Variants in TGFBI observed in about 807,000 individuals in gnomAD.
TGFBI encodes transforming growth factor beta induced.
Under a neutral mutation model 73.7 loss-of-function variants are expected in TGFBI, and 50 were observed. The ratio of observed to expected loss-of-function variants is 0.68; its 90% confidence interval spans 0.54 to 0.86. The LOEUF (loss-of-function observed/expected upper bound fraction) is 0.86. Ranked by LOEUF, TGFBI falls within the 40% of genes least tolerant of loss-of-function variation. The pLI, the probability that TGFBI is intolerant of heterozygous loss-of-function variation, is 0.00. For missense variants in TGFBI, 839 were observed against 877.0 expected (o/e 0.96, Z 0.55); for synonymous variants, 362 against 360.5 (o/e 1.00, Z -0.05).
intron 14 of TGFBI, 117 bp downstream of exon 14, chr5:136,061,053 A>G: frequency 1.3e-6 from 1 of 765,990 alleles, no homozygotes; most frequent in East Asian, 2.8e-5. Context: ...TGTGATAGTT[A>G]AACTGTGCCT....
Position 136,046,967 on chromosome 5 carries a change from C to A in TGFBI, c.576C>A (p.Thr192=), listed in dbSNP as rs751901379. The A allele has an allele frequency of 1.2e-6, 2 of 1,613,554 alleles. No homozygotes were observed. The highest frequency in any genetic ancestry group is 1.7e-6 in the Non-Finnish European group (2 of 1,179,860). The change falls in exon 5 of 17, where the codon ACC becomes ACA. Residue 192 remains threonine (T), a synonymous_variant. Coordinates refer to ENST00000442011, the MANE Select transcript of TGFBI (RefSeq NM_000358.3). ...AGCTGAAACACGGCATGACCCTCAC[C>A]TCTATGTACCAGAATTCCAACATCC... ...TDELKHGMTL[T]SMYQNSNIQI...
At chr5:136,037,881 T>A (rs45507095) in intron 2 of TGFBI, among the ~76,000 whole-genome samples, 2 of 152,166 alleles carry the variant, frequency 1.3e-5, no homozygotes, top group African/African-American at 4.8e-5. Flanking sequence ...GGCAGGGCAC[T>A]GGGGACAGCT....
At chr5:136,054,569 TA>T in intron 9 of TGFBI, 146 bp from the exon 10 acceptor site, 2 of 1,039,244 alleles carry the variant, frequency 1.9e-6, no homozygotes. Context: ...TACCAGATGT[TA>T]AGGAATATTG....
rs1221165773 is a variant in TGFBI at position 136,060,931 on chromosome 5, C to T, written c.1901C>T (p.Pro634Leu). The T allele has an allele frequency of 3.2e-6, 5 of 1,566,730 alleles. No homozygotes were observed. In the African/African-American group the frequency reaches 6.8e-5, roughly 21 times the overall value. The change falls in exon 14 of 17, where the codon CCT becomes CTT. Residue 634 changes from proline (P) to leucine (L), a missense_variant. Transcript: ENST00000442011. ...CATGTCATCACCAATGTTCTGCAGCCTCCAGGTAAGTGTCGCATCCCCACT... is the reference window on the plus strand; with the variant it reads ...CATGTCATCACCAATGTTCTGCAGCTTCCAGGTAAGTGTCGCATCCCCACT... ...VVHVITNVLQ[P>L]PANRPQERGD... is the part of the protein sequence containing the mutation.
chr5:136,054,165 C>A, intron 9 of TGFBI, 85 bp downstream of exon 9: 1 of 1,536,134 alleles, frequency 6.5e-7, no homozygotes, highest in Non-Finnish European at 8.9e-7. Context: ...CTCCGATTTA[C>A]AGCACCCCAT....
chr5:136,055,238 G>A lies in TGFBI; in HGVS notation c.1410+377G>A, dbSNP rs924566061. The A allele has an allele frequency of 5.2e-5, 12 of 229,994 alleles. No individual in the cohort carries two copies. The East Asian group carries it at 1.1e-3, about 21-fold the overall frequency. The allele number at this position is 229,994 out of a possible 1,614,324, so 14.2% of individuals were successfully genotyped here. Reference sequence around the variant, plus strand: ...GTCCAAAAGGTGCCTTCTCTCTTCTGCTGTATCTTCTTTGTTTTCAAACCC... The same window carrying A: ...GTCCAAAAGGTGCCTTCTCTCTTCTACTGTATCTTCTTTGTTTTCAAACCC... On this transcript the variant is annotated intron_variant, in intron 10 of 16. Coordinates refer to ENST00000442011, the MANE Select transcript of TGFBI (RefSeq NM_000358.3).
rs754006381 is a variant in TGFBI, at chr5:136,052,940, T to TG, written c.948dup (p.Cys317ValfsTer3). ...AACAACCACATCTTGAAGTCAGCTA[T>TG]GTGTGCTGAAGCCATCGTTGCGGGG... On this transcript the variant is annotated frameshift_variant, in exon 8 of 17. Coordinates refer to ENST00000442011, the MANE Select transcript of TGFBI (RefSeq NM_000358.3). LOFTEE classifies it high-confidence loss of function. The TG allele has an allele frequency of 4.3e-6, 7 of 1,614,016 alleles. No homozygotes were observed. The highest frequency in any genetic ancestry group is 5.9e-6 in the Non-Finnish European group (7 of 1,179,872).
chr5:136,063,321 A>G lies in TGFBI; in HGVS notation c.*95A>G. 8.5e-7 allele frequency: 1 copy of G among 1,177,200 alleles called. No homozygotes were observed. Among genetic ancestry groups the G allele is most frequent in the Non-Finnish European group, 1.3e-6 (1 of 799,904 alleles). The allele number at this position is 1,177,200 out of a possible 1,614,324, so 72.9% of individuals were successfully genotyped here. ...TGTTTGAATGTTTTCAAAACCAAGT[A>G]TCACACTTTAATGTACATGGGCCGC... is the stretch of plus-strand genomic sequence containing the variant. On this transcript the variant is annotated 3_prime_UTR_variant, in exon 17 of 17. Coordinates refer to ENST00000442011, the MANE Select transcript of TGFBI (RefSeq NM_000358.3).
intron 2 of TGFBI, among the ~76,000 whole-genome samples, chr5:136,041,464 C>T (rs1751338662): frequency 6.6e-6 from 1 of 152,206 alleles, no homozygotes; most frequent in Non-Finnish European, 1.5e-5. Context: ...ACTTTGGAGA[C>T]ACCCCCTGTG....
intron 3 of TGFBI, chr5:136,046,086 CTG>C (rs924283903): frequency 8.4e-5 from 34 of 403,782 alleles, no homozygotes; most frequent in Non-Finnish European, 3.6e-5. Context: ...CTGTGCTCTG[CTG>C]TGTTTAAAAT....
chr5:136,040,160 C>T (rs181492856), intron 2 of TGFBI, among the ~76,000 whole-genome samples: 21 of 152,350 alleles, frequency 1.4e-4, no homozygotes, highest in Admixed American at 1.4e-3. Flanking sequence ...GTACTTCTCT[C>T]TATCCAATCT....
intron 16 of TGFBI, among the ~76,000 whole-genome samples, chr5:136,062,888 A>T (rs1751775824): frequency 6.6e-6 from 1 of 152,272 alleles, no homozygotes; most frequent in Admixed American, 6.5e-5. Flanking sequence ...TGAGGATAAT[A>T]AGAGTAACAA....
intron 2 of TGFBI, among the ~76,000 whole-genome samples, chr5:136,041,387 T>C (rs1269499301): frequency 6.6e-6 from 1 of 152,222 alleles, no homozygotes; most frequent in Admixed American, 6.5e-5. Context: ...CCAGCCACTG[T>C]GGGACATGGG....
At chr5:136,047,976 T>C (rs1319468573) in intron 6 of TGFBI, 1 of 152,700 alleles carries the variant, frequency 6.5e-6, no homozygotes, top group East Asian at 1.9e-4. Flanking sequence ...GTCTTACAAC[T>C]GGAGGGGAAG....
At chr5:136,046,532 G>A (rs1430157886) in intron 4 of TGFBI, 37 bp downstream of exon 4, 1 of 1,565,036 alleles carries the variant, frequency 6.4e-7, no homozygotes, top group Non-Finnish European at 8.7e-7. Flanking sequence ...GACTCTTATG[G>A]GGAACTGCCT....
rs752441613 is a variant in TGFBI at position 136,056,835 on chromosome 5, G to T, written c.1678+40G>T. 1.9e-6 allele frequency: 3 copies of T among 1,578,086 alleles called. No homozygotes were observed. In the Admixed American group the frequency reaches 5.6e-5, roughly 29 times the overall value. ...AAGTACACGTCTCCATTTTTCTAAA[G>T]TAGTGATCCCTCAGGGCCCCAGCAG... On this transcript the variant is annotated intron_variant, in intron 12 of 16. Transcript: ENST00000442011.
At chr5:136,052,787 C>A in intron 7 of TGFBI, 120 bp from the exon 8 acceptor site, 3 of 980,228 alleles carry the variant, frequency 3.1e-6, no homozygotes, top group Non-Finnish European at 4.5e-6. Flanking sequence ...GGTGCCCCAG[C>A]CTCATCTGAG....
chr5:136,036,003 T>C (rs184541308), intron 2 of TGFBI, among the ~76,000 whole-genome samples: 59 of 152,342 alleles, frequency 3.9e-4, no homozygotes, highest in African/African-American at 1.4e-3. Context: ...AGGCTGAGAA[T>C]ACTGTCAGTG....
Position 136,049,667 on chromosome 5 carries a change from C to T in TGFBI, c.913+87C>T, listed in dbSNP as rs117759309. 1,916 of 1,481,942 alleles carry T rather than the reference C, an allele frequency of 1.3e-3. 17 individuals are homozygous for T. In the East Asian group the frequency reaches 0.019, roughly 15 times the overall value. The allele number at this position is 1,481,942 out of a possible 1,614,324, so 91.8% of individuals were successfully genotyped here. The stretch of plus-strand genomic sequence containing the variant: ...GCTCTGGTCCAAGATGAACATACCA[C>T]CTGCCATGAGGTGACCCTCAGGATA... On this transcript the variant is annotated intron_variant, in intron 7 of 16. Coordinates refer to ENST00000442011, the MANE Select transcript of TGFBI (RefSeq NM_000358.3).
Sources: allele counts gnomAD v4.1 joint callset (sites outside exome capture counted in the v4.1 genomes callset), GRCh38; gene constraint gnomAD v4.1.1; transcripts MANE v1.5; gene names NCBI Gene and HGNC (gene_info 2026-07-23, HGNC 2026-07-21).